The following RNF216 variants were observed in gnomAD, a reference collection of about 807,000 sequenced individuals.
RNF216 encodes the protein ring finger protein 216.
A neutral mutation model predicts 110.8 loss-of-function variants in RNF216; 72 were observed. The ratio of observed to expected loss-of-function variants is 0.65; its 90% CI spans 0.54 to 0.79. The LOEUF (loss-of-function observed/expected upper bound fraction) is 0.79. RNF216 is among the 30% of genes least tolerant of loss of function. The pLI, the probability that RNF216 is intolerant of heterozygous loss-of-function variation, is 0.00. For missense variants in RNF216, 1,342 were observed against 1,141.2 expected, an observed-to-expected ratio of 1.18 and a Z score of -2.54; for synonymous variants, 495 against 407.5, an observed-to-expected ratio of 1.21 and a Z score of -2.59.
At chr7:5,753,158 C>A (rs907607478) in intron 2 of RNF216, among the ~76,000 whole-genome samples, 179 bp from the exon 3 acceptor site, 2 of 152,174 alleles carry the variant, frequency 1.3e-5, no homozygotes, top group Non-Finnish European at 2.9e-5. Context: ...TGACTTTTGC[C>A]AATAACACAT....
Position 5,711,936 on chromosome 7 carries a change from G to A in RNF216, c.1983-97C>T. The stretch of plus-strand genomic sequence containing the variant: ...TGTTCATATGAAGATGGAGTTTTGA[G>A]CTGGACATTCACATCCCCTTTATAC... On this transcript the variant is annotated intron_variant, in intron 12 of 16. Coordinates refer to ENST00000389902, the MANE Select transcript of RNF216 (RefSeq NM_207111.4). The A allele has an allele frequency of 1.9e-6, 2 of 1,044,646 alleles. 1 individual carries two copies. The highest frequency in any genetic ancestry group is 4.2e-5 in the Admixed American group (2 of 47,268). The allele number at this position is 1,044,646 out of a possible 1,614,324, so 64.7% of individuals were successfully genotyped here.
At position 5,691,434 on chromosome 7, in the gene RNF216, C is replaced by T. The variant is rs74730335; in HGVS notation, c.2061+20327G>A. 6.3e-3 allele frequency among the ~76,000 whole-genome samples: 941 copies of T among 149,222 alleles called. 7 individuals carry two copies. Among genetic ancestry groups the T allele is most frequent in the Non-Finnish European group, 9.6e-3 (653 of 67,768 alleles). ...ATACAAGAGCAGGAACAGATGAATG[C>T]GTAAGTGTACAAGAGAGGTTTCAAG... On this transcript the variant is annotated intron_variant, in intron 13 of 16. Coordinates refer to ENST00000389902, the MANE Select transcript of RNF216 (RefSeq NM_207111.4).
At chr7:5,768,731 G>C (rs2128677862) in intron 1 of RNF216, among the ~76,000 whole-genome samples, 1 of 144,728 alleles carries the variant, frequency 6.9e-6, no homozygotes, top group African/African-American at 2.6e-5. Flanking sequence ...GCTCGATCTT[G>C]GCTCACTGCA....
At chr7:5,625,523 C>T (rs1237110912) in intron 15 of RNF216, among the ~76,000 whole-genome samples, 2 of 152,198 alleles carry the variant, frequency 1.3e-5, no homozygotes, top group African/African-American at 2.4e-5. Flanking sequence ...TGGGCAGCCC[C>T]ATCGAGGGCT....
At chr7:5,699,544 TTG>T (rs1791835974) in intron 13 of RNF216, among the ~76,000 whole-genome samples, 1 of 152,262 alleles carries the variant, frequency 6.6e-6, no homozygotes, top group Non-Finnish European at 1.5e-5. Context: ...TAGCTTTTTG[TTG>T]TGTTCTTCAC....
At chr7:5,703,953 C>G (rs538743713) in intron 13 of RNF216, among the ~76,000 whole-genome samples, 23 of 152,324 alleles carry the variant, frequency 1.5e-4, no homozygotes, top group African/African-American at 5.3e-4. Context: ...AGAAGCATCA[C>G]CTTCAAATCT....
At position 5,781,623 on chromosome 7, in the gene RNF216, G is replaced by C. The variant is rs1207069098; in HGVS notation, c.-152C>G. The C allele has an allele frequency of 2.6e-5, 4 of 152,280 alleles. No homozygotes were observed. The highest frequency in any genetic ancestry group is 9.6e-5 in the African/African-American group (4 of 41,460). The allele number at this position is 152,280 out of a possible 1,614,324, so 9.4% of individuals were successfully genotyped here. ...CTTACTCCTCAGAAGCCGCAGCTGC[G>C]AGCTCCGTGGCAGCCGCTGCACTCC... On this transcript the variant is annotated 5_prime_UTR_variant, in exon 1 of 17. Transcript: ENST00000389902.
chr7:5,755,100 G>A (rs181267111), intron 2 of RNF216, among the ~76,000 whole-genome samples: 15 of 147,614 alleles, frequency 1.0e-4, no homozygotes, highest in Admixed American at 7.4e-4. Flanking sequence ...GAGAAGAGAG[G>A]AGGAAAGGAA....
At chr7:5,712,320 A>C (rs1458429994) in intron 12 of RNF216, among the ~76,000 whole-genome samples, 1 of 152,168 alleles carries the variant, frequency 6.6e-6, no homozygotes, top group Non-Finnish European at 1.5e-5. Flanking sequence ...TCTCTACTAA[A>C]AATAAGCTGG....
intron 13 of RNF216, among the ~76,000 whole-genome samples, chr7:5,699,219 C>T (rs1361838985): frequency 6.6e-6 from 1 of 152,070 alleles, no homozygotes; most frequent in African/African-American, 2.4e-5. Context: ...GAAGCAAATC[C>T]CAGATTACAA....
chr7:5,642,405 G>T (rs1449552625), intron 14 of RNF216, among the ~76,000 whole-genome samples: 2 of 151,986 alleles, frequency 1.3e-5, no homozygotes, highest in Non-Finnish European at 2.9e-5. Flanking sequence ...GTAGAAATGG[G>T]GTTTCACCAT....
chr7:5,645,793 T>C (rs1788015735), intron 14 of RNF216, among the ~76,000 whole-genome samples: 1 of 152,170 alleles, frequency 6.6e-6, no homozygotes. Context: ...TTTCACCATG[T>C]TGGCCAGGCT....
rs1014328742 is a variant in RNF216 at position 5,741,902 on chromosome 7, C to T, written c.202-87G>A. ...CTTATATTGAGCTTCCGAGATAGGA[C>T]AGGAAAGAAACAAAAACACCATCTC... On this transcript the variant is annotated intron_variant, in intron 3 of 16. Transcript: ENST00000389902. 36 of 1,414,538 alleles carry T rather than the reference C, an allele frequency of 2.5e-5. No homozygotes were observed. The African/African-American group carries it at 3.2e-4, about 12-fold the overall frequency. 87.6% of individuals were successfully genotyped at this position (1,414,538 alleles called of 1,614,324 possible).
chr7:5,658,124 G>A (rs1368746504), intron 13 of RNF216, among the ~76,000 whole-genome samples: 1 of 152,186 alleles, frequency 6.6e-6, no homozygotes, highest in Non-Finnish European at 1.5e-5. Context: ...TTGCGGAGCT[G>A]ACATCTTCAT....
chr7:5,689,493 C>T (rs571187234), intron 13 of RNF216, among the ~76,000 whole-genome samples: 56 of 151,624 alleles, frequency 3.7e-4, no homozygotes, highest in Admixed American at 5.3e-4. Context: ...TTCTGGAGGC[C>T]ATTTTCTAAA....
At chr7:5,778,808 A>T (rs533822642) in intron 1 of RNF216, among the ~76,000 whole-genome samples, 188 of 152,320 alleles carry the variant, frequency 1.2e-3, no homozygotes, top group African/African-American at 4.2e-3. Context: ...CAGTGGCACA[A>T]TCTCGGATCA....
At chr7:5,649,091 G>T (rs1788225040) in intron 14 of RNF216, among the ~76,000 whole-genome samples, 1 of 152,164 alleles carries the variant, frequency 6.6e-6, no homozygotes, top group Non-Finnish European at 1.5e-5. Context: ...AAACAAGAAA[G>T]TGACGGCCGG....
intron 13 of RNF216, among the ~76,000 whole-genome samples, chr7:5,703,817 C>G (rs1472324727): frequency 6.6e-6 from 1 of 152,196 alleles, no homozygotes; most frequent in Non-Finnish European, 1.5e-5. Flanking sequence ...TAAACCTCCA[C>G]CTTGTGGCCC....
intron 4 of RNF216, among the ~76,000 whole-genome samples, chr7:5,740,086 G>A (rs909544100): frequency 6.8e-6 from 1 of 146,386 alleles, no homozygotes; most frequent in Non-Finnish European, 1.5e-5. Flanking sequence ...GGCAAATAGT[G>A]GCTACCAGAT....
Sources: gnomAD v4.1 joint callset for allele counts (sites outside exome capture counted in the v4.1 genomes callset) on GRCh38, gnomAD v4.1.1 for gene constraint, MANE v1.5 for transcripts, NCBI Gene and HGNC (gene_info 2026-07-23, HGNC 2026-07-21) for gene names.